The following TRIM71 variants were observed in gnomAD, a reference collection of about 807,000 sequenced individuals.
TRIM71 encodes the protein tripartite motif containing 71.
Under a neutral mutation model 61.2 loss-of-function variants are expected in TRIM71, and 9 were observed. That is an observed-to-expected ratio of 0.15 (90% CI 0.09 to 0.26). The LOEUF (loss-of-function observed/expected upper bound fraction) is 0.26, where lower values mean the gene tolerates loss of function less well. Among genes scored for constraint, TRIM71 ranks in the 10% least tolerant of loss-of-function variants. The probability of loss-of-function intolerance (pLI) is 1.00; values close to 1 mark genes in which losing one functional copy is unlikely to be tolerated. For synonymous variants in TRIM71, 645 were observed against 553.2 expected (o/e 1.17, Z -2.33); for missense variants, 998 against 1,238.7 (o/e 0.81, Z 2.92).
chr3:32,843,750 C>T (rs994725200), intron 1 of TRIM71, among the ~76,000 whole-genome samples: 1 of 152,178 alleles, frequency 6.6e-6, no homozygotes, highest in East Asian at 1.9e-4. Context: ...GAGGAGTCTT[C>T]GCCCAAGGGC....
intron 1 of TRIM71, among the ~76,000 whole-genome samples, chr3:32,834,603 G>T (rs559920683): frequency 6.6e-6 from 1 of 152,140 alleles, no homozygotes; most frequent in Non-Finnish European, 1.5e-5. Flanking sequence ...AGGGATGGTG[G>T]GAGGCCGAGG....
In TRIM71 at chr3:32,865,808, G is replaced by A. The variant is rs142799175; in HGVS notation, c.853-8010G>A. The stretch of plus-strand genomic sequence containing the variant: ...CGCCCGCCGGCCCCCCCCCCCCCCC[G>A]CCCCACCTTTTTTTTTTTTTTTTTT... On this transcript the variant is annotated intron_variant, in intron 1 of 3. Coordinates refer to ENST00000383763, the MANE Select transcript of TRIM71 (RefSeq NM_001039111.3). Among the ~76,000 whole-genome samples, 7 of 7,656 alleles carry A rather than the reference G, an allele frequency of 9.1e-4. 1 individual carries two copies. Among genetic ancestry groups the A allele is most frequent in the Non-Finnish European group, 1.2e-3 (5 of 4,172 alleles). The allele number at this position is 7,656 out of a possible 152,430, so 5.0% of individuals were successfully genotyped here. A position where few individuals can be genotyped will look rare whatever the true frequency, so the allele number is the denominator to read the frequency against.
intron 1 of TRIM71, among the ~76,000 whole-genome samples, chr3:32,831,085 A>G (rs1051064935): frequency 6.6e-6 from 1 of 152,174 alleles, no homozygotes; most frequent in South Asian, 2.1e-4. Flanking sequence ...GGCGTGAGCC[A>G]CTGTGCCTGC....
intron 1 of TRIM71, among the ~76,000 whole-genome samples, chr3:32,832,532 C>G (rs75425684): frequency 6.6e-6 from 1 of 152,064 alleles, no homozygotes; most frequent in African/African-American, 2.4e-5. Flanking sequence ...ATGAACAGTA[C>G]TCTTGGGGAA....
In TRIM71 at chr3:32,890,214, T is replaced by C; in HGVS notation, c.1156-146T>C. On this transcript the variant is annotated intron_variant, in intron 3 of 3. Transcript: ENST00000383763. This position sits in a 1 kb window ranked among gnomAD's most constrained non-coding sequence, Gnocchi z 6.2. ...TTGGTCCATTTTGATTTTGCTGCTTTTGAAGAAAGACAGATGTCTTTTGTA... is the reference window on the plus strand; with the variant it reads ...TTGGTCCATTTTGATTTTGCTGCTTCTGAAGAAAGACAGATGTCTTTTGTA... The C allele has an allele frequency of 8.5e-7, 1 of 1,177,506 alleles. No homozygotes were observed. Among genetic ancestry groups the C allele is most frequent in the East Asian group, 2.4e-5 (1 of 42,172 alleles). 72.9% of individuals were successfully genotyped at this position (1,177,506 alleles called of 1,614,324 possible). A position where few individuals can be genotyped will look rare whatever the true frequency, so the allele number is the denominator to read the frequency against.
chr3:32,893,284 G>A lies in TRIM71; in HGVS notation c.*1473G>A, dbSNP rs1559552923. On this transcript the variant is annotated 3_prime_UTR_variant, in exon 4 of 4. Coordinates refer to ENST00000383763, the MANE Select transcript of TRIM71 (RefSeq NM_001039111.3). The stretch of plus-strand genomic sequence containing the variant: ...GGATGTAATGTCTTTTCTTAAACCT[G>A]TAACTCGGTACCAAAGAATGAAAAT... 1 of 148,068 alleles carries A rather than the reference G, an allele frequency of 6.8e-6. No homozygotes were observed. The highest frequency in any genetic ancestry group is 2.0e-4 in the East Asian group (1 of 5,052). 9.2% of individuals were successfully genotyped at this position (148,068 alleles called of 1,614,324 possible). A position where few individuals can be genotyped will look rare whatever the true frequency, so the allele number is the denominator to read the frequency against.
chr3:32,845,934 T>C (rs9846740), intron 1 of TRIM71, among the ~76,000 whole-genome samples: 2 of 151,964 alleles, frequency 1.3e-5, no homozygotes, highest in East Asian at 3.9e-4. Context: ...TTGGCCAGGC[T>C]GGTCTCGATC....
intron 1 of TRIM71, among the ~76,000 whole-genome samples, chr3:32,835,371 C>T (rs1355352255): frequency 1.3e-5 from 2 of 152,086 alleles, no homozygotes; most frequent in African/African-American, 4.8e-5. Flanking sequence ...TCCTCTCCCC[C>T]TCTAAATGGT....
At chr3:32,883,266 T>C (rs552361054) in intron 2 of TRIM71, among the ~76,000 whole-genome samples, 6 of 152,376 alleles carry the variant, frequency 3.9e-5, no homozygotes, top group Non-Finnish European at 8.8e-5. Flanking sequence ...AATGTGGATG[T>C]AATATCTGTC....
In TRIM71 at chr3:32,890,547, G is replaced by C; in HGVS notation, c.1343G>C (p.Arg448Pro). ...LAQVQELKTV[R>P]SLLQPQEDDR... is the part of the protein sequence containing the mutation. The stretch of plus-strand genomic sequence containing the variant: ...CAGGTGCAGGAGCTGAAGACCGTGC[G>C]GAGCCTCCTGCAGCCCCAGGAAGAC... The change falls in exon 4 of 4, where the codon CGG becomes CCG. Residue 448 changes from arginine (R) to proline (P), a missense_variant. By Grantham distance (103) the Arg-to-Pro change is moderately radical (BLOSUM62 -2). Coordinates refer to ENST00000383763, the MANE Select transcript of TRIM71 (RefSeq NM_001039111.3). This position sits in a 1 kb window ranked among gnomAD's most constrained non-coding sequence, Gnocchi z 6.2. 6.2e-7 allele frequency: 1 copy of C among 1,613,978 alleles called. No individual in the cohort carries two copies. The highest frequency in any genetic ancestry group is 2.2e-5 in the East Asian group (1 of 44,884).
In TRIM71 at chr3:32,832,787, TCCTC is replaced by T. The variant is rs554003909; in HGVS notation, c.852+13859_852+13862del. Among the ~76,000 whole-genome samples the T allele has an allele frequency of 5.3e-4, 80 of 152,214 alleles. 1 individual carries two copies. In the South Asian group the frequency reaches 0.016, roughly 30 times the overall value. ...GGAAGAGATAAGGGTACCCTCCTCT[TCCTC>T]CCTTCCTAGGGGGTGGACGATTGAT... is the stretch of plus-strand genomic sequence containing the variant. On this transcript the variant is annotated intron_variant, in intron 1 of 3. Coordinates refer to ENST00000383763, the MANE Select transcript of TRIM71 (RefSeq NM_001039111.3).
intron 1 of TRIM71, among the ~76,000 whole-genome samples, chr3:32,842,050 C>T (rs539284515): frequency 6.6e-6 from 1 of 152,184 alleles, no homozygotes; most frequent in South Asian, 2.1e-4. Flanking sequence ...TAAAGATTGC[C>T]CCTGTAATTT....
intron 3 of TRIM71, among the ~76,000 whole-genome samples, chr3:32,886,758 C>G (rs1376165550): frequency 2.0e-5 from 3 of 152,142 alleles, no homozygotes; most frequent in South Asian, 4.1e-4. Context: ...GTGCCTGTTT[C>G]CATCTCCAAA....
At chr3:32,847,247 A>G (rs904469716) in intron 1 of TRIM71, among the ~76,000 whole-genome samples, 2 of 133,418 alleles carry the variant, frequency 1.5e-5, no homozygotes, top group Non-Finnish European at 3.1e-5. Flanking sequence ...CCCAGGCTGG[A>G]GTGCAATGGC....
chr3:32,861,046 G>T (rs1251753913), intron 1 of TRIM71, among the ~76,000 whole-genome samples: 1 of 151,758 alleles, frequency 6.6e-6, no homozygotes, highest in African/African-American at 2.4e-5. Context: ...GTTGTGGCAC[G>T]TGCCTGTAGT....
intron 1 of TRIM71, among the ~76,000 whole-genome samples, chr3:32,832,433 A>C (rs1696283106): frequency 6.6e-6 from 1 of 152,236 alleles, no homozygotes; most frequent in Admixed American, 6.5e-5. Context: ...ATGCCATTGC[A>C]CTTCAGCCTG....
chr3:32,871,616 C>G (rs1010447618), intron 1 of TRIM71, among the ~76,000 whole-genome samples: 1 of 152,182 alleles, frequency 6.6e-6, no homozygotes, highest in Non-Finnish European at 1.5e-5. Flanking sequence ...AGGAATTTTT[C>G]CTGAATTTAT....
chr3:32,852,196 T>C (rs561313016), intron 1 of TRIM71, among the ~76,000 whole-genome samples: 227 of 152,128 alleles, frequency 1.5e-3, no homozygotes, highest in African/African-American at 5.0e-3. Flanking sequence ...ATGAATGAAA[T>C]TGGGGACAGG....
intron 1 of TRIM71, among the ~76,000 whole-genome samples, chr3:32,822,646 A>G (rs1336435604): frequency 7.0e-6 from 1 of 143,306 alleles, no homozygotes; most frequent in African/African-American, 2.6e-5. Flanking sequence ...CAGTGTATGC[A>G]TGCTTATTTT....
Sources: gnomAD v4.1 joint callset for allele counts (sites outside exome capture counted in the v4.1 genomes callset) on GRCh38, gnomAD v4.1.1 for gene constraint, Gnocchi (gnomAD v3.1) non-coding constraint, MANE v1.5 for transcripts, NCBI Gene and HGNC (gene_info 2026-07-23, HGNC 2026-07-21) for gene names.